Variants in CERS6 observed in about 807,000 individuals in gnomAD.
The protein encoded by CERS6 is LAG1 homolog, ceramide synthase 6.
In CERS6, 26 loss-of-function variants were observed where a neutral mutation model predicts 56.8. The ratio of observed to expected loss-of-function variants is 0.46; its 90% CI spans 0.34 to 0.63. CERS6 has a LOEUF of 0.63. CERS6 is among the 30% of genes least tolerant of loss of function. CERS6 has a pLI of 0.01. For missense variants in CERS6, 415 were observed against 467.5 expected, an observed-to-expected ratio of 0.89 and a Z score of 1.04; for synonymous variants, 164 against 173.3, an observed-to-expected ratio of 0.95 and a Z score of 0.42.
At chr2:168,644,127 A>G in intron 4 of CERS6, 2 of 984,994 alleles carry the variant, frequency 2.0e-6, no homozygotes, top group Non-Finnish European at 2.4e-6. Flanking sequence ...CTTGCTTGCA[A>G]GTATTTTTGG....
At chr2:168,667,842 A>G (rs1252704029) in intron 4 of CERS6, among the ~76,000 whole-genome samples, 1 of 152,224 alleles carries the variant, frequency 6.6e-6, no homozygotes, top group Non-Finnish European at 1.5e-5. Context: ...GTGAACAGAT[A>G]TTTAAAGTAA....
At chr2:168,723,563 CT>C (rs1683243692) in intron 8 of CERS6, among the ~76,000 whole-genome samples, 2 of 93,584 alleles carry the variant, frequency 2.1e-5, no homozygotes. Context: ...ATCAAATCAT[CT>C]GGAACATTGC....
At chr2:168,513,667 T>C (rs745624427) in intron 1 of CERS6, among the ~76,000 whole-genome samples, 51 of 152,220 alleles carry the variant, frequency 3.4e-4, no homozygotes, top group Non-Finnish European at 6.0e-4. Context: ...ATGCAGTGTT[T>C]GCCAGGTTTC....
chr2:168,567,882 G>A (rs1281532005), intron 3 of CERS6, among the ~76,000 whole-genome samples: 1 of 152,190 alleles, frequency 6.6e-6, no homozygotes, highest in Non-Finnish European at 1.5e-5. Context: ...GTATCCTCAA[G>A]GCAGCATTGC....
At chr2:168,534,577 G>GAAC (rs1695225586) in intron 1 of CERS6, among the ~76,000 whole-genome samples, 1 of 152,136 alleles carries the variant, frequency 6.6e-6, no homozygotes, top group African/African-American at 2.4e-5. Context: ...GGAGGCTGGA[G>GAAC]AACAGCAAGG....
chr2:168,613,583 T>G (rs77404972), intron 3 of CERS6, among the ~76,000 whole-genome samples: 1 of 152,144 alleles, frequency 6.6e-6, no homozygotes, highest in Admixed American at 6.5e-5. Flanking sequence ...TCAAGAGAAC[T>G]TAACGGTCTG....
rs560867632 is a variant in CERS6 at position 168,641,250 on chromosome 2, G to A, written c.465+10208G>A. Among the ~76,000 whole-genome samples the A allele has an allele frequency of 1.3e-4, 8 of 60,188 alleles. No individual in the cohort carries two copies. In the South Asian group the frequency reaches 3.0e-3, roughly 22 times the overall value. The allele number at this position is 60,188 out of a possible 152,430, so 39.5% of individuals were successfully genotyped here. ...AATACCAGATGAGTATTACTGTACC[G>A]GAAATGTCATTTTTTTAGACGTGTC... On this transcript the variant is annotated intron_variant, in intron 4 of 9. Transcript: ENST00000305747.
At chr2:168,534,980 G>C (rs1295716713) in intron 1 of CERS6, among the ~76,000 whole-genome samples, 1 of 152,242 alleles carries the variant, frequency 6.6e-6, no homozygotes, top group East Asian at 1.9e-4. Flanking sequence ...TCAGGCCTGA[G>C]GAGGCACTCT....
intron 1 of CERS6, among the ~76,000 whole-genome samples, chr2:168,526,605 T>C (rs1574043407): frequency 6.6e-6 from 1 of 152,074 alleles, no homozygotes; most frequent in African/African-American, 2.4e-5. Context: ...CTCAGGGAGG[T>C]AAACTAACTT....
At chr2:168,618,934 C>G (rs1168341008) in intron 3 of CERS6, among the ~76,000 whole-genome samples, 1 of 151,930 alleles carries the variant, frequency 6.6e-6, no homozygotes, top group East Asian at 1.9e-4. Context: ...CAAGACTATG[C>G]AAAAGAACAA....
At chr2:168,619,997 G>A (rs938545639) in intron 3 of CERS6, among the ~76,000 whole-genome samples, 22 of 133,456 alleles carry the variant, frequency 1.6e-4, no homozygotes, top group African/African-American at 5.7e-4. Context: ...GGGCATTTGG[G>A]CTGGTTCCAC....
At chr2:168,514,814 A>G (rs1256667533) in intron 1 of CERS6, among the ~76,000 whole-genome samples, 3 of 152,212 alleles carry the variant, frequency 2.0e-5, no homozygotes, top group Non-Finnish European at 4.4e-5. Flanking sequence ...AAGAATGGCT[A>G]TAGAATTAGA....
intron 8 of CERS6, among the ~76,000 whole-genome samples, chr2:168,737,603 G>A (rs1246343769): frequency 6.6e-6 from 1 of 152,206 alleles, no homozygotes; most frequent in Non-Finnish European, 1.5e-5. Context: ...AAAAAGAAGA[G>A]TGTCTGTTGA....
chr2:168,639,500 T>C (rs1684937911), intron 4 of CERS6, among the ~76,000 whole-genome samples: 2 of 152,244 alleles, frequency 1.3e-5, no homozygotes, highest in South Asian at 4.1e-4. Flanking sequence ...GGCGTTCACA[T>C]ACCATGATCA....
chr2:168,476,323 A>G (rs1360745428), intron 1 of CERS6, among the ~76,000 whole-genome samples: 1 of 152,156 alleles, frequency 6.6e-6, no homozygotes, highest in Non-Finnish European at 1.5e-5. Flanking sequence ...GTATCAAACA[A>G]TAAAATAGGG....
chr2:168,576,720 G>C (rs1683278236), intron 3 of CERS6, among the ~76,000 whole-genome samples: 1 of 152,094 alleles, frequency 6.6e-6, no homozygotes, highest in Non-Finnish European at 1.5e-5. Flanking sequence ...TTCTGTACAA[G>C]TGTGCACACA....
chr2:168,697,553 CTTTT>C (rs113250500), intron 6 of CERS6, among the ~76,000 whole-genome samples: 2 of 141,234 alleles, frequency 1.4e-5, no homozygotes, highest in Non-Finnish European at 1.5e-5. Context: ...AACATTCTTC[CTTTT>C]TTTTTTTTTT....
chr2:168,559,982 A>G (rs989238949), intron 2 of CERS6, among the ~76,000 whole-genome samples: 1 of 151,768 alleles, frequency 6.6e-6, no homozygotes, highest in Non-Finnish European at 1.5e-5. Context: ...CATTGAATAG[A>G]GGGGAGGGAT....
At chr2:168,638,524 G>A (rs541792104) in intron 4 of CERS6, among the ~76,000 whole-genome samples, 87 of 151,826 alleles carry the variant, frequency 5.7e-4, no homozygotes, top group Non-Finnish European at 1.1e-3. Flanking sequence ...ATTCAATTCA[G>A]GGATTTTTTT....
Sources: gnomAD v4.1 joint callset for allele counts (sites outside exome capture counted in the v4.1 genomes callset) on GRCh38, gnomAD v4.1.1 for gene constraint, MANE v1.5 for transcripts, NCBI Gene and HGNC (gene_info 2026-07-23, HGNC 2026-07-21) for gene names.